Variants in BCORL1 observed in about 807,000 individuals in gnomAD.
BCORL1 encodes the protein BCL-6 corepressor-like protein 1.
A neutral mutation model predicts 87.6 loss-of-function variants in BCORL1; 7 were observed. That is an observed-to-expected ratio of 0.08 (90% CI 0.05 to 0.15). The LOEUF (loss-of-function observed/expected upper bound fraction) is 0.15, where lower values mean the gene tolerates loss of function less well. Among genes scored for constraint, BCORL1 ranks in the 10% least tolerant of loss-of-function variants. BCORL1 has a pLI of 1.00. For missense variants in BCORL1, 1,215 were observed against 1,499.7 expected (o/e 0.81, Z 3.13); for synonymous variants, 591 against 634.4 (o/e 0.93, Z 1.03).
At chrX:130,034,921 C>T (rs1930844471) in intron 9 of BCORL1, among the ~76,000 whole-genome samples, 1 of 111,687 alleles carries the variant, frequency 9.0e-6, no homozygotes, top group African/African-American at 3.3e-5. Context: ...AGACCAGGAA[C>T]GCAATTTTTG....
In BCORL1 at chrX:130,043,298, G is replaced by C. The variant is rs144041817; in HGVS notation, c.4840+4016G>C. ...GCCTCCCTTGGCCTCCCAAAGTGCTGGGATTACAGGCATGAGCTACCGCTC... is the reference window on the plus strand; with the variant it reads ...GCCTCCCTTGGCCTCCCAAAGTGCTCGGATTACAGGCATGAGCTACCGCTC... On this transcript the variant is annotated intron_variant, in intron 11 of 13. Coordinates refer to ENST00000540052, the MANE Select transcript of BCORL1 (RefSeq NM_001379451.1). Among the ~76,000 whole-genome samples, 878 of 111,662 alleles carry C rather than the reference G, an allele frequency of 7.9e-3. 6 individuals carry two copies. The highest frequency in any genetic ancestry group is 0.028 in the African/African-American group (849 of 30,783).
chrX:129,991,651 C>CTTTTTT (rs112594609), intron 1 of BCORL1, among the ~76,000 whole-genome samples: 6 of 47,553 alleles, frequency 1.3e-4, no homozygotes, highest in Non-Finnish European at 1.8e-4. Flanking sequence ...AGAAAATATT[C>CTTTTTT]TTTTTTTTTT....
intron 4 of BCORL1, among the ~76,000 whole-genome samples, chrX:130,018,475 T>C (rs944296658): frequency 6.2e-5 from 7 of 112,755 alleles, no homozygotes; most frequent in African/African-American, 2.3e-4. Flanking sequence ...TATGTCTTAA[T>C]AAATTGTATC....
intron 11 of BCORL1, among the ~76,000 whole-genome samples, chrX:130,046,123 A>G (rs1399500458): frequency 9.2e-6 from 1 of 108,864 alleles, no homozygotes. Context: ...CTTTACAACA[A>G]TAACAGTAAC....
intron 13 of BCORL1, 139 bp downstream of exon 13, chrX:130,052,155 C>A: frequency 1.8e-6 from 1 of 569,519 alleles, no homozygotes; most frequent in South Asian, 4.7e-5. Flanking sequence ...CCTTTTAGCC[C>A]AGAGTAGTCA....
chrX:130,021,347 C>T, intron 5 of BCORL1, 197 bp downstream of exon 5: 1 of 702,027 alleles, frequency 1.4e-6, no homozygotes, highest in Non-Finnish European at 1.7e-6. Flanking sequence ...TCTGCTCCTC[C>T]TGGGTGCTAG....
chrX:130,049,540 A>T (rs1931956863), intron 11 of BCORL1, among the ~76,000 whole-genome samples: 1 of 111,743 alleles, frequency 8.9e-6, no homozygotes. Context: ...TATTTTTAGT[A>T]GAGACTGGAT....
chrX:130,027,437 A>C (rs1050222849), intron 7 of BCORL1, among the ~76,000 whole-genome samples: 9 of 111,914 alleles, frequency 8.0e-5, no homozygotes, highest in Non-Finnish European at 1.3e-4. Flanking sequence ...GCTGCAGCCA[A>C]CTCCTTGTGC....
At chrX:130,028,456 C>T (rs1027535581) in intron 7 of BCORL1, among the ~76,000 whole-genome samples, 179 bp from the exon 8 acceptor site, 4 of 109,917 alleles carry the variant, frequency 3.6e-5, no homozygotes, top group African/African-American at 1.3e-4. Context: ...ATGGTGTGTT[C>T]ATTCAAGAAG....
chrX:130,028,832 C>A lies in BCORL1; in HGVS notation c.4276C>A (p.His1426Asn). ...AGGAAAACGAAAGTGCAAGACCAAGCACATGGCAACCGTCTCAGAAGAGGC... is the reference window on the plus strand; with the variant it reads ...AGGAAAACGAAAGTGCAAGACCAAGAACATGGCAACCGTCTCAGAAGAGGC... Reference protein sequence around the residue: ...PSGKRKCKTKHMATVSEEAKG... With the variant: ...PSGKRKCKTKNMATVSEEAKG... Residue 1426 changes from histidine (H) to asparagine (N), a missense_variant, in exon 8 of 14, where the codon CAC becomes AAC. By Grantham distance (68) the His-to-Asn change is moderately conservative. Around this residue, in one of 5 missense-constraint regions of BCORL1, gnomAD observed 166 missense variants for 196.5 expected, o/e 0.84. Transcript: ENST00000540052. 8.3e-7 allele frequency: 1 copy of A among 1,205,059 alleles called. No homozygotes were observed. Among genetic ancestry groups the A allele is most frequent in the Non-Finnish European group, 1.1e-6 (1 of 893,518 alleles).
chrX:129,998,814 T>C (rs1340219942), intron 1 of BCORL1, among the ~76,000 whole-genome samples: 1 of 110,744 alleles, frequency 9.0e-6, no homozygotes, highest in Non-Finnish European at 1.9e-5. Context: ...GTTTTATCCC[T>C]CCCCTCCTCT....
At chrX:130,053,952 T>G (rs1208368460) in intron 13 of BCORL1, among the ~76,000 whole-genome samples, 1 of 111,922 alleles carries the variant, frequency 8.9e-6, no homozygotes, top group Non-Finnish European at 1.9e-5. Flanking sequence ...AGATAAGAGC[T>G]TGCTGTCATT....
intron 1 of BCORL1, among the ~76,000 whole-genome samples, chrX:130,002,266 T>A (rs902161233): frequency 9.1e-6 from 1 of 110,092 alleles, no homozygotes; most frequent in Non-Finnish European, 1.9e-5. Flanking sequence ...AGCAAGTTGC[T>A]GGCAGCTGGA....
chrX:130,012,775 G>T (rs1295840132), intron 3 of BCORL1, 107 bp downstream of exon 3: 1 of 993,290 alleles, frequency 1.0e-6, no homozygotes, highest in Non-Finnish European at 1.4e-6. Context: ...AAGGGACAGG[G>T]TCTCTCCCAG....
At chrX:130,025,484 G>A in intron 7 of BCORL1, 105 bp downstream of exon 7, 2 of 778,613 alleles carry the variant, frequency 2.6e-6, no homozygotes, top group Non-Finnish European at 1.8e-6. Flanking sequence ...GAGAAACCCG[G>A]TGCTATGATC....
rs1569367799 is a variant in BCORL1 at position 130,013,993 on chromosome X, C to T, written c.1221C>T (p.Thr407=). The change falls in exon 4 of 14, where the codon ACC becomes ACT. Residue 407 remains threonine (T), a synonymous_variant. Transcript: ENST00000540052. ...MPAATPAAIP[T]SAPIPASFSL... The stretch of plus-strand genomic sequence containing the variant: ...CTGCCACGCCAGCTGCCATTCCCAC[C>T]TCTGCACCCATCCCGGCCTCCTTCA... The T allele has an allele frequency of 5.0e-6, 6 of 1,210,790 alleles. No individual in the cohort carries two copies. The highest frequency in any genetic ancestry group is 6.7e-6 in the Non-Finnish European group (6 of 894,869).
rs995673091 is a variant in BCORL1, at chrX:130,013,573, G to A, written c.801G>A (p.Thr267=). 6.6e-6 allele frequency: 8 copies of A among 1,208,648 alleles called. No individual in the cohort carries two copies. Among genetic ancestry groups the A allele is most frequent in the African/African-American group, 1.8e-5 (1 of 56,818 alleles). The change falls in exon 4 of 14, where the codon ACG becomes ACA. Residue 267 remains threonine (T), a synonymous_variant. Coordinates refer to ENST00000540052, the MANE Select transcript of BCORL1 (RefSeq NM_001379451.1). ...CTCCAGCGCCACCGTCAGTGCCCACGCTCATCTCTGACTCGAACCCCCTTT... is the reference window on the plus strand; with the variant it reads ...CTCCAGCGCCACCGTCAGTGCCCACACTCATCTCTGACTCGAACCCCCTTT... ...ALAPAPPSVP[T]LISDSNPLSV...
At chrX:130,024,704 T>C (rs1930111913) in intron 6 of BCORL1, among the ~76,000 whole-genome samples, 1 of 111,666 alleles carries the variant, frequency 9.0e-6, no homozygotes, top group African/African-American at 3.3e-5. Flanking sequence ...GTGTTTTTAA[T>C]ACTTGATGTT....
At chrX:129,996,203 T>G (rs1021235435) in intron 1 of BCORL1, among the ~76,000 whole-genome samples, 1 of 111,219 alleles carries the variant, frequency 9.0e-6, no homozygotes, top group Non-Finnish European at 1.9e-5. Flanking sequence ...CCAAAGTTGG[T>G]TTTCCTTACT....
Sources: allele counts gnomAD v4.1 joint callset (sites outside exome capture counted in the v4.1 genomes callset), GRCh38; gene constraint gnomAD v4.1.1; regional missense constraint gnomAD v4.1.1; transcripts MANE v1.5; gene names NCBI Gene and HGNC (gene_info 2026-07-23, HGNC 2026-07-21).